Variants in ARHGAP19 observed in about 807,000 individuals in gnomAD.
The protein encoded by ARHGAP19 is rho GTPase-activating protein 19.
Under a neutral mutation model 60.9 loss-of-function variants are expected in ARHGAP19, and 48 were observed. The ratio of observed to expected loss-of-function variants is 0.79; its 90% CI spans 0.62 to 1.00. ARHGAP19 has a LOEUF of 1.00. Among genes scored for constraint, ARHGAP19 ranks in the 50% least tolerant of loss-of-function variants. ARHGAP19 has a pLI of 0.00. For missense variants in ARHGAP19, 562 were observed against 597.2 expected, an observed-to-expected ratio of 0.94 and a Z score of 0.61; for synonymous variants, 209 against 215.5, an observed-to-expected ratio of 0.97 and a Z score of 0.27.
rs759314144 is a variant in ARHGAP19, at chr10:97,256,362, T to A, written c.883A>T (p.Ser295Cys). The change falls in exon 6 of 12, where the codon AGT becomes TGT. Residue 295 changes from serine to cysteine, a missense_variant. By Grantham distance (112) the Ser-to-Cys change is moderately radical. Coordinates refer to ENST00000358531, the MANE Select transcript of ARHGAP19 (RefSeq NM_032900.6). ...TGTTTAATCATAAAAGCCATCCCAC[T>A]GTTTAACTTTGTGATATTCTCCTGA... ...DLQENITKLN[S>C]GMAFMIKHSQ... 1.2e-6 allele frequency: 2 copies of A among 1,614,182 alleles called. No homozygotes were observed. The highest frequency in any genetic ancestry group is 4.5e-5 in the East Asian group (2 of 44,884).
chr10:97,288,583 AAAAAAAAG>A (rs1425870096), intron 1 of ARHGAP19, among the ~76,000 whole-genome samples: 4 of 151,698 alleles, frequency 2.6e-5, no homozygotes, highest in Admixed American at 2.6e-4. Flanking sequence ...CCATCTAAAA[AAAAAAAAG>A]AAAAAAAGAA....
At chr10:97,263,890 T>G (rs568727105) in intron 3 of ARHGAP19, among the ~76,000 whole-genome samples, 1 of 152,280 alleles carries the variant, frequency 6.6e-6, no homozygotes, top group Admixed American at 6.5e-5. Flanking sequence ...GAGGTATGGA[T>G]AGACAATCTG....
intron 8 of ARHGAP19, among the ~76,000 whole-genome samples, chr10:97,239,776 C>T (rs980773722): frequency 7.2e-5 from 11 of 151,732 alleles, no homozygotes; most frequent in East Asian, 1.9e-4. Flanking sequence ...GGCATGACCT[C>T]GGCTCACAGC....
chr10:97,235,709 G>A (rs1234532507), intron 8 of ARHGAP19, among the ~76,000 whole-genome samples: 1 of 152,114 alleles, frequency 6.6e-6, no homozygotes, highest in East Asian at 1.9e-4. Flanking sequence ...ATTGCATACA[G>A]AATTTTTTTA....
chr10:97,272,557 A>G (rs554491047), intron 1 of ARHGAP19, among the ~76,000 whole-genome samples: 2 of 152,272 alleles, frequency 1.3e-5, no homozygotes, highest in Non-Finnish European at 2.9e-5. Flanking sequence ...TTCATTACAC[A>G]TTCCACTTAT....
intron 1 of ARHGAP19, among the ~76,000 whole-genome samples, chr10:97,273,638 G>C (rs766663655): frequency 6.6e-6 from 1 of 151,530 alleles, no homozygotes; most frequent in Non-Finnish European, 1.5e-5. Context: ...ACAGGTGAGT[G>C]CCATTGTGCC....
chr10:97,287,599 C>T (rs572703170), intron 1 of ARHGAP19, among the ~76,000 whole-genome samples: 4 of 152,088 alleles, frequency 2.6e-5, no homozygotes, highest in African/African-American at 4.8e-5. Flanking sequence ...AAAAATTAGC[C>T]GAGTGTGGTG....
chr10:97,271,142 AACT>A (rs745805610), intron 1 of ARHGAP19, among the ~76,000 whole-genome samples: 7 of 152,236 alleles, frequency 4.6e-5, no homozygotes, highest in Non-Finnish European at 8.8e-5. Flanking sequence ...TCATAAATTT[AACT>A]ACATTAAATT....
intron 1 of ARHGAP19, among the ~76,000 whole-genome samples, chr10:97,269,351 T>C (rs1042895107): frequency 3.3e-5 from 5 of 152,184 alleles, no homozygotes; most frequent in South Asian, 2.1e-4. Context: ...GAAATGACAA[T>C]GTATTATCAG....
chr10:97,285,731 G>C (rs1458723314), intron 1 of ARHGAP19, among the ~76,000 whole-genome samples: 2 of 151,980 alleles, frequency 1.3e-5, no homozygotes, highest in Non-Finnish European at 2.9e-5. Flanking sequence ...TGTTGGCCAG[G>C]CTAGTCTCGA....
intron 4 of ARHGAP19, among the ~76,000 whole-genome samples, chr10:97,262,901 G>C (rs528061739): frequency 6.6e-6 from 1 of 152,126 alleles, no homozygotes; most frequent in Non-Finnish European, 1.5e-5. Flanking sequence ...AGATGGCTTT[G>C]GCCCAGGAGT....
chr10:97,237,574 T>C (rs1361692158), intron 8 of ARHGAP19, among the ~76,000 whole-genome samples: 1 of 152,122 alleles, frequency 6.6e-6, no homozygotes, highest in African/African-American at 2.4e-5. Flanking sequence ...TAATTCTTGA[T>C]AATGATAATA....
In ARHGAP19 at chr10:97,224,855, C is replaced by G. The variant is rs941629527; in HGVS notation, c.*1267G>C. 1 of 152,478 alleles carries G rather than the reference C, an allele frequency of 6.6e-6. No homozygotes were observed. The highest frequency in any genetic ancestry group is 1.5e-5 in the Non-Finnish European group (1 of 68,248). 9.4% of individuals were successfully genotyped at this position (152,478 alleles called of 1,614,324 possible). ...GCTCTATCCAACACAAGTGAACACA[C>G]CAAATCCAAAAGCCAGAAGCTCTGG... On this transcript the variant is annotated 3_prime_UTR_variant, in exon 12 of 12. Coordinates refer to ENST00000358531, the MANE Select transcript of ARHGAP19 (RefSeq NM_032900.6).
intron 1 of ARHGAP19, among the ~76,000 whole-genome samples, chr10:97,267,670 T>G (rs747221627): frequency 1.3e-5 from 2 of 152,280 alleles, no homozygotes; most frequent in African/African-American, 2.4e-5. Flanking sequence ...TCTTGACTTC[T>G]GTGCACCCGC....
At chr10:97,262,026 C>A (rs1475708934) in intron 4 of ARHGAP19, among the ~76,000 whole-genome samples, 1 of 151,982 alleles carries the variant, frequency 6.6e-6, no homozygotes, top group Admixed American at 6.6e-5. Context: ...TTTGGAAGTA[C>A]ACAAAATATC....
In ARHGAP19 at chr10:97,263,498, A is replaced by G; in HGVS notation, c.535T>C (p.Leu179=). 1 of 1,614,142 alleles carries G rather than the reference A, an allele frequency of 6.2e-7. No homozygotes were observed. Among genetic ancestry groups the G allele is most frequent in the Non-Finnish European group, 8.5e-7 (1 of 1,180,026 alleles). Residue 179 remains leucine, a synonymous_variant, in exon 4 of 12, where the codon TTG becomes CTG. Coordinates refer to ENST00000358531, the MANE Select transcript of ARHGAP19 (RefSeq NM_032900.6). ...AACTCTCCTAGAAACATCTTCAGCA[A>G]AGTGGCAACATCATTTGAGTGAAAT... is the stretch of plus-strand genomic sequence containing the variant. The part of the protein sequence containing the change: ...GEFHSNDVAT[L]LKMFLGELPE...
chr10:97,282,370 A>C (rs1843095736), intron 1 of ARHGAP19, among the ~76,000 whole-genome samples: 1 of 152,222 alleles, frequency 6.6e-6, no homozygotes, highest in Non-Finnish European at 1.5e-5. Flanking sequence ...TAAGACAGTA[A>C]AGAGGTAGAT....
At chr10:97,261,134 A>G (rs1842825076) in intron 4 of ARHGAP19, among the ~76,000 whole-genome samples, 1 of 152,138 alleles carries the variant, frequency 6.6e-6, no homozygotes, top group African/African-American at 2.4e-5. Flanking sequence ...AACAGACTAA[A>G]AAGGTTATCA....
At chr10:97,241,777 A>G (rs1454845617) in intron 8 of ARHGAP19, among the ~76,000 whole-genome samples, 1 of 152,062 alleles carries the variant, frequency 6.6e-6, no homozygotes, top group African/African-American at 2.4e-5. Flanking sequence ...TGGGAGGCCG[A>G]GGTGGGCGGA....
Sources: allele counts gnomAD v4.1 joint callset (sites outside exome capture counted in the v4.1 genomes callset), GRCh38; gene constraint gnomAD v4.1.1; transcripts MANE v1.5; gene names NCBI Gene and HGNC (gene_info 2026-07-23, HGNC 2026-07-21).